Variants in CSMD3 observed in about 807,000 individuals in gnomAD.
CSMD3 encodes CUB and Sushi multiple domains 3.
A neutral mutation model predicts 435.2 loss-of-function variants in CSMD3; 177 were observed. The ratio of observed to expected loss-of-function variants is 0.41; its 90% confidence interval spans 0.36 to 0.46. CSMD3 has a LOEUF of 0.46. Ranked by LOEUF, CSMD3 falls within the 20% of genes least tolerant of loss-of-function variation. CSMD3 has a pLI of 0.34. For missense variants in CSMD3, 4,265 were observed against 4,504.6 expected, an observed-to-expected ratio of 0.95 and a Z score of 1.52; for synonymous variants, 1,656 against 1,520.5, an observed-to-expected ratio of 1.09 and a Z score of -2.07.
chr8:112,545,105 G>T (rs924931557), intron 27 of CSMD3, among the ~76,000 whole-genome samples: 2 of 151,980 alleles, frequency 1.3e-5, no homozygotes, highest in African/African-American at 2.4e-5. Context: ...TCATGGCCTG[G>T]CAGTCTTACG....
At chr8:112,911,523 T>C (rs1564095024) in intron 10 of CSMD3, among the ~76,000 whole-genome samples, 2 of 151,730 alleles carry the variant, frequency 1.3e-5, no homozygotes, top group African/African-American at 4.8e-5. Flanking sequence ...TCTTTGTGCC[T>C]GGCTTATCTC....
chr8:112,984,451 T>C (rs1248501120), intron 6 of CSMD3, among the ~76,000 whole-genome samples: 1 of 152,080 alleles, frequency 6.6e-6, no homozygotes, highest in Non-Finnish European at 1.5e-5. Context: ...AACTATCTGA[T>C]CAATAAAATC....
chr8:113,173,034 C>T lies in CSMD3; in HGVS notation c.709+688G>A, dbSNP rs1314689374. On this transcript the variant is annotated intron_variant, in intron 4 of 70. Coordinates refer to ENST00000297405, the MANE Select transcript of CSMD3 (RefSeq NM_198123.2). Reference sequence around the variant, plus strand: ...TAAACAAATGCAGCATAATTAATTTCGAAAATTTCCATGCTGTCGTCTATC... The same window carrying T: ...TAAACAAATGCAGCATAATTAATTTTGAAAATTTCCATGCTGTCGTCTATC... Among the ~76,000 whole-genome samples, 12 of 152,144 alleles carry T rather than the reference C, an allele frequency of 7.9e-5. No individual in the cohort carries two copies. The South Asian group carries it at 1.0e-3, about 13-fold the overall frequency.
intron 57 of CSMD3, among the ~76,000 whole-genome samples, 171 bp from the exon 58 acceptor site, chr8:112,287,417 G>A (rs1330339285): frequency 6.6e-6 from 1 of 151,928 alleles, no homozygotes; most frequent in Non-Finnish European, 1.5e-5. Context: ...AAAAAAAAGT[G>A]TAAATGAAAA....
rs2129755828 is a variant in CSMD3 at position 112,224,740 on chromosome 8, C to T, written c.*31G>A. 1 of 1,613,048 alleles carries T rather than the reference C, an allele frequency of 6.2e-7. No individual in the cohort carries two copies. The highest frequency in any genetic ancestry group is 8.5e-7 in the Non-Finnish European group (1 of 1,179,052). ...GTGCACTGTTTTGTGTGTCGATTTC[C>T]AAGCTTCTGAAGAAGGCAAAGGTTG... On this transcript the variant is annotated 3_prime_UTR_variant, in exon 71 of 71. Coordinates refer to ENST00000297405, the MANE Select transcript of CSMD3 (RefSeq NM_198123.2).
chr8:112,772,310 A>G (rs1318517267), intron 13 of CSMD3, among the ~76,000 whole-genome samples: 2 of 152,038 alleles, frequency 1.3e-5, no homozygotes, highest in African/African-American at 4.8e-5. Context: ...CCTACCCCGA[A>G]CCCTGTGATC....
intron 19 of CSMD3, among the ~76,000 whole-genome samples, chr8:112,645,961 G>C (rs2131616037): frequency 6.6e-6 from 1 of 152,204 alleles, no homozygotes; most frequent in South Asian, 2.1e-4. Flanking sequence ...CAGAGAATTT[G>C]TTGACTCCTT....
intron 22 of CSMD3, among the ~76,000 whole-genome samples, chr8:112,624,089 G>T (rs192044480): frequency 6.6e-6 from 1 of 152,132 alleles, no homozygotes; most frequent in African/African-American, 2.4e-5. Flanking sequence ...AATTTTTAAT[G>T]CTACATTATC....
chr8:113,053,318 T>C (rs1198340143), intron 5 of CSMD3, among the ~76,000 whole-genome samples: 1 of 152,182 alleles, frequency 6.6e-6, no homozygotes, highest in Non-Finnish European at 1.5e-5. Context: ...ATTTTAGCTT[T>C]GTACTGGTTA....
chr8:113,278,126 C>A (rs2132455381), intron 3 of CSMD3, among the ~76,000 whole-genome samples: 2 of 152,028 alleles, frequency 1.3e-5, no homozygotes, highest in Middle Eastern at 6.8e-3. Context: ...TAGTTGTCCT[C>A]TTCCTGGTTT....
At chr8:113,427,478 A>G (rs945955211) in intron 1 of CSMD3, among the ~76,000 whole-genome samples, 7 of 149,796 alleles carry the variant, frequency 4.7e-5, no homozygotes, top group Non-Finnish European at 1.0e-4. Context: ...TCATAAACCA[A>G]TTATGTCTAA....
intron 49 of CSMD3, 55 bp downstream of exon 49, chr8:112,313,851 T>C: frequency 7.2e-7 from 1 of 1,385,304 alleles, no homozygotes; most frequent in Non-Finnish European, 1.0e-6. Context: ...TCCTTAATCA[T>C]AATCATACCG....
intron 1 of CSMD3, among the ~76,000 whole-genome samples, chr8:113,322,927 G>T (rs1280880366): frequency 6.6e-6 from 1 of 152,020 alleles, no homozygotes. Context: ...TGTATTTTAA[G>T]TAGAGACAAG....
intron 50 of CSMD3, among the ~76,000 whole-genome samples, chr8:112,308,078 G>T (rs1222452434): frequency 1.3e-5 from 2 of 152,090 alleles, no homozygotes; most frequent in Non-Finnish European, 2.9e-5. Context: ...TGTAAATTAT[G>T]AACAGAAAAG....
chr8:112,864,727 G>C (rs889364483), intron 10 of CSMD3, among the ~76,000 whole-genome samples: 1 of 152,168 alleles, frequency 6.6e-6, no homozygotes, highest in South Asian at 2.1e-4. Flanking sequence ...AATAAAACTT[G>C]TAGAAACGGA....
At chr8:113,414,804 T>G (rs2094574885) in intron 1 of CSMD3, among the ~76,000 whole-genome samples, 1 of 151,720 alleles carries the variant, frequency 6.6e-6, no homozygotes, top group Non-Finnish European at 1.5e-5. Flanking sequence ...CTACAAATAA[T>G]ACAAAACAAA....
chr8:112,664,126 AT>A (rs2131696840), intron 17 of CSMD3, among the ~76,000 whole-genome samples: 1 of 152,318 alleles, frequency 6.6e-6, no homozygotes, highest in East Asian at 1.9e-4. Context: ...CTGATACAAA[AT>A]AATGTTTAGT....
chr8:112,593,836 G>A (rs1831411861), intron 22 of CSMD3, among the ~76,000 whole-genome samples: 2 of 152,178 alleles, frequency 1.3e-5, no homozygotes, highest in Admixed American at 1.3e-4. Flanking sequence ...AAGAGTTTGG[G>A]AAGAAAGGAA....
intron 22 of CSMD3, among the ~76,000 whole-genome samples, chr8:112,624,552 T>C (rs11986798): frequency 0.55 from 83,693 of 151,774 alleles, 23,349 homozygotes; most frequent in African/African-American, 0.6. Flanking sequence ...TTGACACTTA[T>C]CATGAATCAC....
Sources: gnomAD v4.1 joint callset for allele counts (sites outside exome capture counted in the v4.1 genomes callset) on GRCh38, gnomAD v4.1.1 for gene constraint, MANE v1.5 for transcripts, NCBI Gene and HGNC (gene_info 2026-07-23, HGNC 2026-07-21) for gene names.